Variants in RIPOR3 observed in about 807,000 individuals in gnomAD.
RIPOR3 encodes family with sequence similarity 65 member C.
Under a neutral mutation model 114.3 loss-of-function variants are expected in RIPOR3, and 95 were observed. That is an observed-to-expected ratio of 0.83 (90% CI 0.70 to 0.99). The LOEUF (loss-of-function observed/expected upper bound fraction) is 0.99. RIPOR3 is among the 50% of genes least tolerant of loss of function. The pLI, the probability that RIPOR3 is intolerant of heterozygous loss-of-function variation, is 0.00. For synonymous variants in RIPOR3, 575 were observed against 543.8 expected, an observed-to-expected ratio of 1.06 and a Z score of -0.80; for missense variants, 1,252 against 1,266.9, an observed-to-expected ratio of 0.99 and a Z score of 0.18.
At chr20:50,644,946 TC>T (rs1366296314) in intron 1 of RIPOR3, among the ~76,000 whole-genome samples, 1 of 151,692 alleles carries the variant, frequency 6.6e-6, no homozygotes, top group Non-Finnish European at 1.5e-5. Context: ...TTCAAGCAGT[TC>T]CCCGGCCTCA....
At chr20:50,658,113 G>A (rs1025775972) in intron 1 of RIPOR3, among the ~76,000 whole-genome samples, 1 of 152,068 alleles carries the variant, frequency 6.6e-6, no homozygotes, top group Non-Finnish European at 1.5e-5. Flanking sequence ...CAAAAGAAGC[G>A]AAAGCAGGGA....
In RIPOR3 at chr20:50,608,506, A is replaced by T; in HGVS notation, c.839T>A (p.Leu280Gln). The T allele has an allele frequency of 6.2e-7, 1 of 1,613,916 alleles. No individual in the cohort carries two copies. Among genetic ancestry groups the T allele is most frequent in the South Asian group, 1.1e-5 (1 of 91,078 alleles). ...KVTELRGLGS[L>Q]AVGAVTCDIA... ...GTCACACGTCACTGCACCCACAGCCAGCGAGCCCAGGCCCCGCAACTCCGT... is the reference window on the plus strand; with the variant it reads ...GTCACACGTCACTGCACCCACAGCCTGCGAGCCCAGGCCCCGCAACTCCGT... Residue 280 changes from leucine to glutamine, a missense_variant, in exon 11 of 22, where the codon CTG (leucine) becomes CAG (glutamine). Leu to Gln is a moderately radical substitution (Grantham distance 113). Coordinates refer to ENST00000327979, the MANE Select transcript of RIPOR3 (RefSeq NM_001290268.2).
chr20:50,610,991 C>A, intron 5 of RIPOR3, 85 bp from the exon 6 acceptor site: 2 of 885,988 alleles, frequency 2.3e-6, no homozygotes, highest in East Asian at 3.4e-5. Context: ...TCCTACAGGT[C>A]CTAACTCAGA....
chr20:50,589,460 G>T (rs944749317), intron 20 of RIPOR3, among the ~76,000 whole-genome samples: 4 of 151,968 alleles, frequency 2.6e-5, no homozygotes, highest in African/African-American at 7.3e-5. Context: ...AGCTAATTTT[G>T]TGTGTGTGTA....
At chr20:50,690,379 C>G (rs539376482) in intron 1 of RIPOR3, among the ~76,000 whole-genome samples, 9 of 152,332 alleles carry the variant, frequency 5.9e-5, no homozygotes, top group African/African-American at 2.2e-4. Flanking sequence ...GCACTGGGCA[C>G]TCTTCGTTCA....
intron 14 of RIPOR3, among the ~76,000 whole-genome samples, chr20:50,596,758 G>A (rs565169343): frequency 3.8e-4 from 58 of 152,230 alleles, no homozygotes; most frequent in Non-Finnish European, 7.1e-4. Context: ...GCACTCGTCC[G>A]TGGGATTGTG....
At chr20:50,655,998 C>CT (rs1016065834) in intron 1 of RIPOR3, among the ~76,000 whole-genome samples, 10 of 150,740 alleles carry the variant, frequency 6.6e-5, no homozygotes, top group South Asian at 2.1e-4. Flanking sequence ...GAATTGTTTC[C>CT]TTTTTTTTTC....
Position 50,593,179 on chromosome 20 carries a change from C to T in RIPOR3, c.2230G>A (p.Glu744Lys). Reference protein sequence around the residue: ...QLEIACRRLLEQVVSCGGLLP... With the variant: ...QLEIACRRLLKQVVSCGGLLP... ...AGCCCACCACAGCTGACCACCTGCT[C>T]CAGGAGCCTGCGGCACGCTGGCCAA... The change falls in exon 18 of 22, where the codon GAG becomes AAG. Residue 744 changes from glutamate to lysine, a missense_variant. By Grantham distance (56) the Glu-to-Lys change is moderately conservative. Coordinates refer to ENST00000327979, the MANE Select transcript of RIPOR3 (RefSeq NM_001290268.2). The T allele has an allele frequency of 6.2e-7, 1 of 1,613,076 alleles. No individual in the cohort carries two copies.
chr20:50,681,777 T>C (rs73121797), intron 1 of RIPOR3, among the ~76,000 whole-genome samples: 3,007 of 152,308 alleles, frequency 0.02, 51 homozygotes, highest in Non-Finnish European at 0.033. Flanking sequence ...GTTGATGTTA[T>C]CAGATCTGTA....
At chr20:50,628,532 T>A (rs898546473) in intron 2 of RIPOR3, among the ~76,000 whole-genome samples, 6 of 151,922 alleles carry the variant, frequency 3.9e-5, no homozygotes, top group Non-Finnish European at 7.4e-5. Flanking sequence ...CAGATCCACT[T>A]CTTCTGTCCC....
intron 19 of RIPOR3, among the ~76,000 whole-genome samples, chr20:50,591,683 C>G (rs895568564): frequency 1.3e-5 from 2 of 152,158 alleles, no homozygotes; most frequent in African/African-American, 4.8e-5. Context: ...ACAGTAGTTA[C>G]AGGCAAAGAG....
intron 2 of RIPOR3, among the ~76,000 whole-genome samples, chr20:50,627,346 CAA>C (rs71190580): frequency 3.0e-4 from 39 of 131,936 alleles, no homozygotes; most frequent in African/African-American, 5.8e-4. Context: ...ACTAAAAATA[CAA>C]AAAAAAAAAA....
chr20:50,605,032 C>A (rs1041192170), intron 11 of RIPOR3, among the ~76,000 whole-genome samples: 7 of 152,226 alleles, frequency 4.6e-5, no homozygotes, highest in African/African-American at 1.7e-4. Flanking sequence ...AAGCGATCCT[C>A]CTGCCTCAGC....
At chr20:50,685,222 A>ATTTT (rs35813074) in intron 1 of RIPOR3, among the ~76,000 whole-genome samples, 8 of 128,024 alleles carry the variant, frequency 6.2e-5, no homozygotes, top group Admixed American at 1.7e-4. Flanking sequence ...ATGGGATAGA[A>ATTTT]TTTTTTTTTT....
rs147450766 is a variant in RIPOR3, at chr20:50,619,530, G to A, written c.269+456C>T. Among the ~76,000 whole-genome samples the A allele has an allele frequency of 3.0e-3, 460 of 152,150 alleles. 5 individuals carry two copies. The highest frequency in any genetic ancestry group is 0.011 in the African/African-American group (437 of 41,504). ...CATCAGTTGGTCTCTGAGCAAGTCT[G>A]TCCTTCACTCAAACACCCACCGCCC... On this transcript the variant is annotated intron_variant, in intron 3 of 21. Coordinates refer to ENST00000327979, the MANE Select transcript of RIPOR3 (RefSeq NM_001290268.2).
At chr20:50,603,004 A>G (rs539971339) in intron 12 of RIPOR3, among the ~76,000 whole-genome samples, 1 of 152,246 alleles carries the variant, frequency 6.6e-6, no homozygotes, top group East Asian at 1.9e-4. Context: ...TCAGGACCTT[A>G]CATAGGTGTC....
Position 50,587,195 on chromosome 20 carries a change from A to AAAC in RIPOR3, c.*34_*36dup. 6.4e-7 allele frequency: 1 copy of AAAC among 1,561,708 alleles called. No individual in the cohort carries two copies. On this transcript the variant is annotated 3_prime_UTR_variant, in exon 22 of 22. Transcript: ENST00000327979. Reference sequence around the variant, plus strand: ...TGTCCAGGCTGGGCAGCAGCAAAAAAAACGATGTGAGATTTGTGCTCATCA... The same window carrying AAAC: ...TGTCCAGGCTGGGCAGCAGCAAAAAAAACAACGATGTGAGATTTGTGCTCATCA...
chr20:50,661,195 G>A (rs1052350985), intron 1 of RIPOR3, among the ~76,000 whole-genome samples: 3 of 151,012 alleles, frequency 2.0e-5, no homozygotes, highest in Non-Finnish European at 4.4e-5. Flanking sequence ...CCAAAATCAC[G>A]CCACTGCACT....
chr20:50,673,019 T>C (rs1001912735), intron 1 of RIPOR3, among the ~76,000 whole-genome samples: 2 of 152,194 alleles, frequency 1.3e-5, no homozygotes, highest in Non-Finnish European at 2.9e-5. Flanking sequence ...AACCCCAGCA[T>C]TGAATGTGCT....
Sources: gnomAD v4.1 joint callset for allele counts (sites outside exome capture counted in the v4.1 genomes callset) on GRCh38, gnomAD v4.1.1 for gene constraint, MANE v1.5 for transcripts, NCBI Gene and HGNC (gene_info 2026-07-23, HGNC 2026-07-21) for gene names.